Variants in GSE1 observed in about 807,000 individuals in gnomAD.
GSE1 encodes Gse1 coiled-coil protein.
In GSE1, 32 loss-of-function variants were observed where a neutral mutation model predicts 112.6. The ratio of observed to expected loss-of-function variants is 0.28; its 90% CI spans 0.21 to 0.38. The LOEUF is 0.38. Among genes scored for constraint, GSE1 ranks in the 10% least tolerant of loss-of-function variants. The pLI is 1.00. For missense variants in GSE1, 2,348 were observed against 1,699.2 expected, an observed-to-expected ratio of 1.38 and a Z score of -6.71; for synonymous variants, 1,115 against 735.6, an observed-to-expected ratio of 1.52 and a Z score of -8.35.
exon 1 of GSE1, chr16:85,170,335 G>A: frequency 1.0e-6 from 1 of 985,496 alleles, no homozygotes; most frequent in Non-Finnish European, 1.2e-6. Context: ...CCGGGCCAGC[G>A]TCCTGAGGAG....
intron 1 of GSE1, among the ~76,000 whole-genome samples, chr16:85,226,643 A>T (rs2075490899): frequency 6.6e-6 from 1 of 152,076 alleles, no homozygotes; most frequent in African/African-American, 2.4e-5. Context: ...TGAGGTTTAG[A>T]TAGAATGGAG....
chr16:85,665,613 C>G (rs1015113625), intron 12 of GSE1, among the ~76,000 whole-genome samples: 1 of 152,258 alleles, frequency 6.6e-6, no homozygotes, highest in African/African-American at 2.4e-5. Context: ...TGGCTGGCCT[C>G]TGCCCTGTCA....
chr16:85,179,739 C>CCCCTCA (rs1169265451), intron 1 of GSE1, among the ~76,000 whole-genome samples: 1,269 of 152,290 alleles, frequency 8.3e-3, no homozygotes, highest in African/African-American at 0.028. Flanking sequence ...CGTTTTTGTT[C>CCCCTCA]TCCCTGGGAT....
intron 1 of GSE1, among the ~76,000 whole-genome samples, chr16:85,206,992 G>A (rs62050672): frequency 0.11 from 16,840 of 152,200 alleles, 1,273 homozygotes; most frequent in Middle Eastern, 0.22. Context: ...CCAGCGGTCC[G>A]GCGGGCTGGC....
intron 2 of GSE1, among the ~76,000 whole-genome samples, chr16:85,360,739 G>C (rs1422030345): frequency 2.0e-5 from 3 of 151,894 alleles, no homozygotes; most frequent in African/African-American, 7.3e-5. Context: ...CGGAGACACA[G>C]CTCACAGACA....
At chr16:85,473,030 C>T (rs1293149326) in intron 2 of GSE1, among the ~76,000 whole-genome samples, 1 of 152,346 alleles carries the variant, frequency 6.6e-6, no homozygotes, top group East Asian at 1.9e-4. Flanking sequence ...GGTGGGGGCA[C>T]AGGAGGTGCG....
At chr16:85,308,885 C>T (rs911543745) in intron 1 of GSE1, among the ~76,000 whole-genome samples, 17 of 147,288 alleles carry the variant, frequency 1.2e-4, no homozygotes, top group Admixed American at 4.8e-4. Flanking sequence ...TGTGCTATCT[C>T]GGATGACGTG....
intron 2 of GSE1, among the ~76,000 whole-genome samples, chr16:85,363,332 C>T (rs150504154): frequency 6.6e-6 from 1 of 152,200 alleles, no homozygotes; most frequent in Non-Finnish European, 1.5e-5. Flanking sequence ...TTGGGGCAGT[C>T]TATGGGTTCC....
chr16:85,388,370 G>T (rs1467148866), intron 2 of GSE1, among the ~76,000 whole-genome samples: 1 of 89,974 alleles, frequency 1.1e-5, no homozygotes, highest in East Asian at 3.1e-4. Context: ...GTGGATGGGC[G>T]GGTGGGTGGA....
At position 85,613,655 on chromosome 16, in the gene GSE1, G is replaced by C. The variant is rs1333283860; in HGVS notation, c.7+257G>C. Reference sequence around the variant, plus strand: ...GGCTCCGGGCTCAGGAGTGCGCTCAGCGGGGGATGGGGGGGGTGCGTTTAA... The same window carrying C: ...GGCTCCGGGCTCAGGAGTGCGCTCACCGGGGGATGGGGGGGGTGCGTTTAA... On this transcript the variant is annotated intron_variant, in intron 1 of 15. Coordinates refer to ENST00000253458, the MANE Select transcript of GSE1 (RefSeq NM_014615.5). 2.0e-5 allele frequency among the ~76,000 whole-genome samples: 3 copies of C among 151,656 alleles called. No individual in the cohort carries two copies. The East Asian group carries it at 5.9e-4, about 30-fold the overall frequency.
In GSE1 at chr16:85,663,544, C is replaced by T. The variant is rs2052603003; in HGVS notation, c.2574C>T (p.Pro858=). 4 of 1,613,844 alleles carry T rather than the reference C, an allele frequency of 2.5e-6. No homozygotes were observed. The highest frequency in any genetic ancestry group is 1.1e-5 in the South Asian group (1 of 91,074). ...RYSPDEMNNS[P]NFEEKKKFLT... The stretch of plus-strand genomic sequence containing the variant: ...GCCCTGATGAGATGAACAACAGTCC[C>T]AACTTCGAAGAAAAGAAGAAGTTCC... The change falls in exon 11 of 16, where the codon CCC becomes CCT. Residue 858 remains proline, a synonymous_variant. Coordinates refer to ENST00000253458, the MANE Select transcript of GSE1 (RefSeq NM_014615.5).
intron 2 of GSE1, among the ~76,000 whole-genome samples, chr16:85,642,985 C>T (rs749626871): frequency 1.8e-4 from 28 of 152,134 alleles, no homozygotes; most frequent in Admixed American, 4.6e-4. Flanking sequence ...TCTTAAAGAC[C>T]GATGACTCTT....
chr16:85,169,644 C>G, exon 1 of GSE1: 5 of 983,588 alleles, frequency 5.1e-6, no homozygotes, highest in Non-Finnish European at 6.0e-6. Context: ...TCGGGCGCGG[C>G]AAGGAGCTGA....
chr16:85,469,204 C>T (rs776172031), intron 2 of GSE1, among the ~76,000 whole-genome samples: 20 of 151,884 alleles, frequency 1.3e-4, no homozygotes, highest in Middle Eastern at 3.2e-3. Flanking sequence ...TGCAGTGAGC[C>T]GAGATCGTGC....
At chr16:85,585,432 G>A (rs910086074) in intron 1 of GSE1, among the ~76,000 whole-genome samples, 14 of 152,228 alleles carry the variant, frequency 9.2e-5, no homozygotes, top group Admixed American at 2.6e-4. Context: ...TTGGAGGCCC[G>A]TGCCGTGAGA....
At chr16:85,644,121 A>G (rs915017761) in intron 2 of GSE1, among the ~76,000 whole-genome samples, 5 of 152,022 alleles carry the variant, frequency 3.3e-5, no homozygotes, top group African/African-American at 1.2e-4. Flanking sequence ...TGAGCCCAGG[A>G]GTTTGAGACC....
intron 2 of GSE1, among the ~76,000 whole-genome samples, chr16:85,636,900 T>G (rs1256457878): frequency 6.6e-6 from 1 of 152,152 alleles, no homozygotes; most frequent in South Asian, 2.1e-4. Flanking sequence ...TGGGGACATG[T>G]GGACCCCCCA....
upstream of GSE1, among the ~76,000 whole-genome samples, chr16:85,554,052 C>T (rs2045072129): frequency 6.6e-6 from 1 of 151,894 alleles, no homozygotes; most frequent in Admixed American, 6.6e-5. Context: ...TTAGTGTCAC[C>T]AAGTCGTGAT....
intron 2 of GSE1, among the ~76,000 whole-genome samples, chr16:85,503,112 C>T (rs1172681757): frequency 6.6e-6 from 1 of 152,190 alleles, no homozygotes; most frequent in African/African-American, 2.4e-5. Flanking sequence ...CGGCCAGTGC[C>T]AAGGCCCTGA....
Sources: allele counts gnomAD v4.1 joint callset (sites outside exome capture counted in the v4.1 genomes callset), GRCh38; gene constraint gnomAD v4.1.1; transcripts MANE v1.5; gene names NCBI Gene and HGNC (gene_info 2026-07-23, HGNC 2026-07-21).